ROR1: variants seen among roughly 807,000 people sequenced by gnomAD.
ROR1 encodes inactive tyrosine-protein kinase transmembrane receptor ROR1.
ROR1 carries 19 observed loss-of-function variants against 78.8 expected under a neutral mutation model. The ratio of observed to expected loss-of-function variants is 0.24; its 90% CI spans 0.17 to 0.35. The LOEUF is 0.35. ROR1 is among the 10% of genes least tolerant of loss of function. ROR1 has a pLI of 1.00. For synonymous variants in ROR1, 386 were observed against 433.6 expected (o/e 0.89, Z 1.36); for missense variants, 917 against 1,177.8 (o/e 0.78, Z 3.24).
At chr1:63,892,562 T>G (rs1402224025) in intron 1 of ROR1, among the ~76,000 whole-genome samples, 2 of 152,184 alleles carry the variant, frequency 1.3e-5, no homozygotes, top group Non-Finnish European at 2.9e-5. Context: ...AGAAGGCAGA[T>G]AGATAAATGT....
chr1:63,831,623 T>C (rs1345351412), intron 1 of ROR1, among the ~76,000 whole-genome samples: 2 of 152,240 alleles, frequency 1.3e-5, no homozygotes, highest in Non-Finnish European at 2.9e-5. Context: ...CAGTTTTCCC[T>C]TCTAGGCCTC....
At chr1:63,927,449 A>G (rs1487202542) in intron 1 of ROR1, among the ~76,000 whole-genome samples, 1 of 149,264 alleles carries the variant, frequency 6.7e-6, no homozygotes, top group Non-Finnish European at 1.5e-5. Flanking sequence ...AATGTTCATC[A>G]AGGATATTGG....
chr1:64,010,126 C>G (rs1026652957), intron 2 of ROR1, among the ~76,000 whole-genome samples: 1 of 152,142 alleles, frequency 6.6e-6, no homozygotes, highest in Admixed American at 6.5e-5. Flanking sequence ...TTTGCCAATA[C>G]TCATTCTCCC....
chr1:64,091,466 C>A (rs1647196567), intron 4 of ROR1, among the ~76,000 whole-genome samples: 1 of 152,084 alleles, frequency 6.6e-6, no homozygotes, highest in South Asian at 2.1e-4. Context: ...AGTGAGGTTG[C>A]TGATGTAGAG....
intron 1 of ROR1, among the ~76,000 whole-genome samples, chr1:63,980,205 A>G (rs1294798422): frequency 6.6e-6 from 1 of 152,054 alleles, no homozygotes; most frequent in Non-Finnish European, 1.5e-5. Flanking sequence ...GAGGTACCTT[A>G]TCCATCTAAC....
intron 4 of ROR1, among the ~76,000 whole-genome samples, chr1:64,127,222 CA>C (rs1486913684): frequency 1.3e-5 from 2 of 152,268 alleles, no homozygotes; most frequent in African/African-American, 4.8e-5. Context: ...GTACACATTT[CA>C]AAGCTCTTGG....
intron 2 of ROR1, among the ~76,000 whole-genome samples, chr1:64,027,563 T>G (rs975642164): frequency 6.6e-6 from 1 of 152,210 alleles, no homozygotes; most frequent in African/African-American, 2.4e-5. Context: ...ATCGGTGTTT[T>G]GTGTCCCAGC....
intron 4 of ROR1, among the ~76,000 whole-genome samples, chr1:64,075,820 T>C (rs1647046528): frequency 6.6e-6 from 1 of 152,208 alleles, no homozygotes. Flanking sequence ...CAGTGCACCA[T>C]CTCTTTGAGT....
At chr1:64,018,721 G>A (rs888994876) in intron 2 of ROR1, among the ~76,000 whole-genome samples, 3 of 152,192 alleles carry the variant, frequency 2.0e-5, no homozygotes, top group East Asian at 1.9e-4. Context: ...GAGATCAGAA[G>A]TCATGTCTTC....
chr1:63,874,971 G>A (rs1645275706), intron 1 of ROR1, among the ~76,000 whole-genome samples: 1 of 152,030 alleles, frequency 6.6e-6, no homozygotes, highest in Admixed American at 6.6e-5. Flanking sequence ...TAAGGTTCTG[G>A]GTATTGTTAT....
intron 2 of ROR1, among the ~76,000 whole-genome samples, chr1:64,042,745 C>T (rs1646754566): frequency 6.6e-6 from 1 of 152,122 alleles, no homozygotes; most frequent in Non-Finnish European, 1.5e-5. Context: ...AATGTGCAAG[C>T]TGATTTAGAT....
intron 1 of ROR1, among the ~76,000 whole-genome samples, chr1:63,786,417 CA>C (rs1644687818): frequency 6.6e-6 from 1 of 151,422 alleles, no homozygotes; most frequent in African/African-American, 2.4e-5. Context: ...GGACTACAGG[CA>C]CCCGCCACCA....
At chr1:63,858,059 A>T (rs1645159463) in intron 1 of ROR1, among the ~76,000 whole-genome samples, 1 of 152,228 alleles carries the variant, frequency 6.6e-6, no homozygotes. Flanking sequence ...AACTTAATTG[A>T]AAAGATAGCC....
In ROR1 at chr1:64,139,472, G is replaced by A. The variant is rs2100709192; in HGVS notation, c.611-637G>A. On this transcript the variant is annotated intron_variant, in intron 5 of 8. Coordinates refer to ENST00000371079, the MANE Select transcript of ROR1 (RefSeq NM_005012.4). ...AATAGCGGTATTCAAAGGTAGGCTG[G>A]TGCGCTTTTTGTGCATCTTACCCTA... Among the ~76,000 whole-genome samples, 2 of 152,248 alleles carry A rather than the reference G, an allele frequency of 1.3e-5. 1 individual carries two copies. Among genetic ancestry groups the A allele is most frequent in the South Asian group, 4.1e-4 (2 of 4,824 alleles).
chr1:63,971,044 G>A (rs1468157053), intron 1 of ROR1, among the ~76,000 whole-genome samples: 1 of 152,156 alleles, frequency 6.6e-6, no homozygotes, highest in East Asian at 1.9e-4. Context: ...CTGGTTGCTG[G>A]AGGACCCAGC....
At chr1:63,792,622 A>G (rs1644734009) in intron 1 of ROR1, among the ~76,000 whole-genome samples, 1 of 152,204 alleles carries the variant, frequency 6.6e-6, no homozygotes, top group Non-Finnish European at 1.5e-5. Context: ...ATCTCAGAGG[A>G]TTATTATGTA....
chr1:63,824,620 A>G (rs1043532653), intron 1 of ROR1, among the ~76,000 whole-genome samples: 35 of 152,174 alleles, frequency 2.3e-4, no homozygotes, highest in African/African-American at 8.2e-4. Context: ...ACAATGGATG[A>G]TTCATAAATG....
intron 1 of ROR1, among the ~76,000 whole-genome samples, chr1:63,876,795 G>T (rs1645289289): frequency 6.6e-6 from 1 of 151,492 alleles, no homozygotes; most frequent in African/African-American, 2.4e-5. Context: ...CAGCAATGAG[G>T]TTGCACTACA....
intron 1 of ROR1, among the ~76,000 whole-genome samples, chr1:63,798,578 G>A (rs1644776764): frequency 6.6e-6 from 1 of 152,144 alleles, no homozygotes; most frequent in South Asian, 2.1e-4. Context: ...ACTTTGCCTT[G>A]TAAGTATAGA....
Sources: gnomAD v4.1 joint callset for allele counts (sites outside exome capture counted in the v4.1 genomes callset) on GRCh38, gnomAD v4.1.1 for gene constraint, MANE v1.5 for transcripts, NCBI Gene and HGNC (gene_info 2026-07-23, HGNC 2026-07-21) for gene names.